PRH1: variants seen among roughly 807,000 people sequenced by gnomAD.
The protein encoded by PRH1 is proline rich protein HaeIII subfamily 1.
In PRH1, 7 loss-of-function variants were observed where a neutral mutation model predicts 7.9. The ratio of observed to expected loss-of-function variants is 0.89; its 90% CI spans 0.50 to 1.67. PRH1 has a LOEUF of 1.67. Among genes scored for constraint, PRH1 ranks in the 40% most tolerant of loss-of-function variants. The probability of loss-of-function intolerance (pLI) is 0.00; values close to 1 mark genes in which losing one functional copy is unlikely to be tolerated. For synonymous variants in PRH1, 45 were observed against 80.8 expected (o/e 0.56, Z 2.38); for missense variants, 109 against 223.6 (o/e 0.49, Z 3.27).
chr12:11,103,668 C>T (rs894850168), intron 1 of PRH1, among the ~76,000 whole-genome samples: 5 of 151,248 alleles, frequency 3.3e-5, no homozygotes, highest in East Asian at 1.9e-4. Context: ...GCACATGTAC[C>T]CTAGAACTTA....
chr12:10,965,852 T>G (rs964083962), intron 2 of PRH1, among the ~76,000 whole-genome samples: 1 of 152,232 alleles, frequency 6.6e-6, no homozygotes, highest in Non-Finnish European at 1.5e-5. Flanking sequence ...CCAATTTTTA[T>G]GCTAGATTTA....
At chr12:10,956,535 C>T (rs1937968788) in intron 2 of PRH1, among the ~76,000 whole-genome samples, 1 of 152,108 alleles carries the variant, frequency 6.6e-6, no homozygotes, top group Admixed American at 6.6e-5. Context: ...CCTCTCTCAC[C>T]ACTCTTATTC....
chr12:11,047,640 A>AT, upstream of PRH1, among the ~76,000 whole-genome samples: 1 of 152,230 alleles, frequency 6.6e-6, no homozygotes, highest in South Asian at 2.1e-4. Context: ...TATAGAAATG[A>AT]TTTTTTTCTA....
At chr12:11,088,887 T>C (rs1209901933) in intron 1 of PRH1, among the ~76,000 whole-genome samples, 1 of 112,580 alleles carries the variant, frequency 8.9e-6, no homozygotes, top group East Asian at 2.2e-4. Flanking sequence ...CAAATCCCTA[T>C]GGAATTAGTG....
chr12:10,930,524 G>A, intron 2 of PRH1: 1 of 1,499,046 alleles, frequency 6.7e-7, no homozygotes, highest in South Asian at 1.3e-5. Flanking sequence ...TAATTAGGAA[G>A]CCTTGGGAAG....
At chr12:11,053,608 T>C (rs984720187) in intron 1 of PRH1, among the ~76,000 whole-genome samples, 1 of 152,110 alleles carries the variant, frequency 6.6e-6, no homozygotes, top group Admixed American at 6.5e-5. Context: ...CTCTTGGAAA[T>C]TACATAGACA....
chr12:10,929,592 T>C (rs1468561830), intron 2 of PRH1, among the ~76,000 whole-genome samples: 1 of 152,108 alleles, frequency 6.6e-6, no homozygotes, highest in Non-Finnish European at 1.5e-5. Context: ...TATAGAGACA[T>C]GGGACTGCTG....
chr12:11,002,427 A>G (rs1309831993), intron 1 of PRH1, among the ~76,000 whole-genome samples: 1 of 152,038 alleles, frequency 6.6e-6, no homozygotes, highest in Non-Finnish European at 1.5e-5. Context: ...ATTTCCAATG[A>G]TTTACTGGCT....
upstream of PRH1, chr12:10,884,360 C>T (rs1949457865): frequency 2.1e-6 from 2 of 945,366 alleles, no homozygotes; most frequent in Non-Finnish European, 3.3e-6. Context: ...TTCTGCTTTG[C>T]TTACTTCAGG....
intron 1 of PRH1, among the ~76,000 whole-genome samples, chr12:11,012,623 G>A (rs1565547966): frequency 6.6e-6 from 1 of 152,064 alleles, no homozygotes; most frequent in Non-Finnish European, 1.5e-5. Flanking sequence ...GGAGTGCAGT[G>A]GTAGTTCACT....
chr12:10,985,930 T>C (rs1244835863), intron 1 of PRH1: 1 of 1,569,636 alleles, frequency 6.4e-7, no homozygotes, highest in Admixed American at 1.9e-5. Context: ...CACTTGTGAA[T>C]CTAGAGAGTT....
At chr12:11,016,362 T>C (rs1941291658) in intron 1 of PRH1, among the ~76,000 whole-genome samples, 1 of 152,230 alleles carries the variant, frequency 6.6e-6, no homozygotes, top group Non-Finnish European at 1.5e-5. Context: ...GACCTCACTT[T>C]TGTTAACTGG....
chr12:10,901,087 C>G (rs140304049), intron 2 of PRH1, among the ~76,000 whole-genome samples: 38 of 152,332 alleles, frequency 2.5e-4, no homozygotes, highest in African/African-American at 9.1e-4. Context: ...AAAGCACCTG[C>G]TCACACAGAC....
intron 1 of PRH1, among the ~76,000 whole-genome samples, chr12:11,059,962 T>C (rs376463608): frequency 2.0e-5 from 3 of 152,130 alleles, no homozygotes; most frequent in African/African-American, 7.2e-5. Flanking sequence ...GATGAGATCA[T>C]CTTGCTCTCT....
intron 1 of PRH1, among the ~76,000 whole-genome samples, chr12:11,154,426 T>C (rs1424978941): frequency 6.6e-6 from 1 of 152,142 alleles, no homozygotes; most frequent in East Asian, 1.9e-4. Context: ...GGCCAGACAA[T>C]TGACTCTTAA....
At chr12:10,905,838 C>T (rs765145039) in intron 2 of PRH1, among the ~76,000 whole-genome samples, 25 of 152,102 alleles carry the variant, frequency 1.6e-4, no homozygotes, top group Middle Eastern at 3.2e-3. Context: ...CTGCATGTTT[C>T]ACTTATAAAT....
At position 11,087,802 on chromosome 12, in the gene PRH1, AAC is replaced by A. The variant is rs550719592; in HGVS notation, n.124-40616_124-40615del. On this transcript the variant is annotated intron_variant and non_coding_transcript_variant, in intron 1 of 4. Coordinates refer to the PRH1 transcript ENST00000541977. ...ATGCAGACTACCATGAACTTAAATA[AAC>A]ACTCACAAATGCTTTCCAGGATGTG... Among the ~76,000 whole-genome samples, 39 of 115,508 alleles carry A rather than the reference AAC, an allele frequency of 3.4e-4. 10 individuals are homozygous for A. The highest frequency in any genetic ancestry group is 6.3e-4 in the Non-Finnish European group (31 of 48,822). 75.8% of individuals were successfully genotyped at this position (115,508 alleles called of 152,430 possible).
chr12:11,074,586 A>C (rs1159671954), intron 1 of PRH1, among the ~76,000 whole-genome samples: 1 of 101,404 alleles, frequency 9.9e-6, no homozygotes, highest in Non-Finnish European at 2.4e-5. Flanking sequence ...AGTTTTGTGC[A>C]TTTCTAAAAA....
intron 1 of PRH1, chr12:11,133,203 G>T (rs2600356): frequency 0.52 from 738,823 of 1,411,620 alleles, 187,532 homozygotes; most frequent in Non-Finnish European, 0.56. Flanking sequence ...AGGTATACAT[G>T]TGGAAATTAT....
Sources: allele counts gnomAD v4.1 joint callset (sites outside exome capture counted in the v4.1 genomes callset), GRCh38; gene constraint gnomAD v4.1.1; transcripts MANE v1.5; gene names NCBI Gene and HGNC (gene_info 2026-07-23, HGNC 2026-07-21).